The following RAB31 variants were observed in gnomAD, a reference collection of about 807,000 sequenced individuals.
RAB31 encodes RAB31, member RAS oncogene family.
In RAB31, 21 loss-of-function variants were observed where a neutral mutation model predicts 25.6. The observed-to-expected ratio is 0.82, with a 90% CI of 0.58 to 1.18. The LOEUF is 1.18. Ranked by LOEUF, RAB31 falls within the 50% of genes most tolerant of loss-of-function variation. The pLI is 0.00. For synonymous variants in RAB31, 87 were observed against 84.0 expected, an observed-to-expected ratio of 1.04 and a Z score of -0.20; for missense variants, 196 against 250.1, an observed-to-expected ratio of 0.78 and a Z score of 1.46.
intron 1 of RAB31, among the ~76,000 whole-genome samples, chr18:9,761,302 A>G (rs1423065879): frequency 1.3e-5 from 2 of 152,138 alleles, no homozygotes; most frequent in Non-Finnish European, 2.9e-5. Flanking sequence ...CACACTGCTG[A>G]CCTACCTTAA....
chr18:9,737,350 G>A (rs2068156156), intron 1 of RAB31, among the ~76,000 whole-genome samples: 1 of 152,042 alleles, frequency 6.6e-6, no homozygotes, highest in Non-Finnish European at 1.5e-5. Flanking sequence ...GTTTCCTTAT[G>A]TAACATACAT....
chr18:9,778,665 T>G (rs1310036531), intron 2 of RAB31, among the ~76,000 whole-genome samples: 1 of 152,158 alleles, frequency 6.6e-6, no homozygotes, highest in Non-Finnish European at 1.5e-5. Context: ...GGAACGGGGT[T>G]TCACCATGTT....
chr18:9,819,121 C>G (rs890757561), intron 5 of RAB31, among the ~76,000 whole-genome samples: 1 of 152,134 alleles, frequency 6.6e-6, no homozygotes, highest in East Asian at 1.9e-4. Context: ...TTATGTCCAG[C>G]TTATCATGTT....
chr18:9,843,881 A>G (rs1169875720), intron 5 of RAB31, among the ~76,000 whole-genome samples: 1 of 152,046 alleles, frequency 6.6e-6, no homozygotes, highest in Non-Finnish European at 1.5e-5. Context: ...TCTTCCCCGC[A>G]TATGGTTTGA....
At chr18:9,813,433 A>G (rs2068585131) in intron 3 of RAB31, among the ~76,000 whole-genome samples, 1 of 152,258 alleles carries the variant, frequency 6.6e-6, no homozygotes, top group Non-Finnish European at 1.5e-5. Context: ...CAGGGAAAAG[A>G]AAATTCACAA....
At chr18:9,836,409 G>T (rs1467770523) in intron 5 of RAB31, among the ~76,000 whole-genome samples, 1 of 152,130 alleles carries the variant, frequency 6.6e-6, no homozygotes. Flanking sequence ...TTATTTAACT[G>T]TAAAATGGTG....
At chr18:9,804,248 C>T (rs2068528582) in intron 3 of RAB31, among the ~76,000 whole-genome samples, 1 of 152,232 alleles carries the variant, frequency 6.6e-6, no homozygotes, top group Admixed American at 6.5e-5. Flanking sequence ...TATGCCCCCT[C>T]CTTGGTGGGG....
intron 3 of RAB31, among the ~76,000 whole-genome samples, chr18:9,807,919 A>G (rs1392553144): frequency 1.3e-5 from 2 of 152,232 alleles, no homozygotes; most frequent in Admixed American, 1.3e-4. Flanking sequence ...TTGAGGCTGC[A>G]GTGAGCCGTG....
chr18:9,804,258 G>A (rs2143055009), intron 3 of RAB31, among the ~76,000 whole-genome samples: 1 of 152,330 alleles, frequency 6.6e-6, no homozygotes, highest in South Asian at 2.1e-4. Context: ...CCTTGGTGGG[G>A]ACAGGCTGCT....
At chr18:9,751,012 A>G (rs1000574616) in intron 1 of RAB31, among the ~76,000 whole-genome samples, 1 of 151,974 alleles carries the variant, frequency 6.6e-6, no homozygotes, top group Admixed American at 6.6e-5. Context: ...TTTTTCTTTC[A>G]TGCCTCTTTT....
At chr18:9,816,354 T>TA (rs1248918507) in intron 5 of RAB31, among the ~76,000 whole-genome samples, 7 of 152,250 alleles carry the variant, frequency 4.6e-5, no homozygotes, top group African/African-American at 1.4e-4. Context: ...ATAACACAGT[T>TA]ACATCCCTGA....
intron 3 of RAB31, among the ~76,000 whole-genome samples, chr18:9,799,329 A>C (rs1009320121): frequency 6.6e-6 from 1 of 152,224 alleles, no homozygotes; most frequent in Non-Finnish European, 1.5e-5. Flanking sequence ...GTTCTGCCTA[A>C]CATACACAGC....
At chr18:9,759,221 G>A (rs2068275145) in intron 1 of RAB31, among the ~76,000 whole-genome samples, 1 of 152,092 alleles carries the variant, frequency 6.6e-6, no homozygotes, top group Non-Finnish European at 1.5e-5. Context: ...ACAAGGTCTT[G>A]CTCTGTCACT....
At position 9,804,709 on chromosome 18, in the gene RAB31, C is replaced by T. The variant is rs569787602; in HGVS notation, c.202-9311C>T. On this transcript the variant is annotated intron_variant, in intron 3 of 6. Transcript: ENST00000578921. ...GTAACAGAAGAACCTGTTCCTGAGG[C>T]GCTGACAGCCTGTCCTAACAGAGGC... Among the ~76,000 whole-genome samples, 49 of 152,300 alleles carry T rather than the reference C, an allele frequency of 3.2e-4. 1 individual carries two copies. In the South Asian group the frequency reaches 7.5e-3, roughly 23 times the overall value.
Position 9,845,649 on chromosome 18 carries a change from G to A in RAB31, c.448G>A (p.Ala150Thr). 6.4e-7 allele frequency: 1 copy of A among 1,566,838 alleles called. No individual in the cohort carries two copies. The highest frequency in any genetic ancestry group is 1.9e-5 in the Admixed American group (1 of 52,554). Residue 150 changes from alanine (A) to threonine (T), a missense_variant, in exon 6 of 7, where the codon GCA (alanine) becomes ACA (threonine). Ala to Thr is a moderately conservative substitution (Grantham distance 58). Coordinates refer to ENST00000578921, the MANE Select transcript of RAB31 (RefSeq NM_006868.4). ...AGGTGCCATCGTGGTTGAGACAAGTGCAAAAAATGCTATTAATATCGAAGA... is the reference window on the plus strand; with the variant it reads ...AGGTGCCATCGTGGTTGAGACAAGTACAAAAAATGCTATTAATATCGAAGA... ...SIGAIVVETS[A>T]KNAINIEELF... is the part of the protein sequence containing the mutation.
intron 1 of RAB31, among the ~76,000 whole-genome samples, chr18:9,710,607 C>A (rs1399359605): frequency 6.6e-6 from 1 of 152,098 alleles, no homozygotes; most frequent in Non-Finnish European, 1.5e-5. Context: ...CATCCCAGCA[C>A]TTTGGGAGGC....
intron 5 of RAB31, among the ~76,000 whole-genome samples, chr18:9,818,774 A>G (rs1443457390): frequency 3.9e-5 from 6 of 152,240 alleles, no homozygotes; most frequent in Non-Finnish European, 8.8e-5. Context: ...TTTCCAAAGT[A>G]ACTGCAAGAT....
chr18:9,847,063 C>A (rs1212025971), intron 6 of RAB31, among the ~76,000 whole-genome samples: 2 of 152,166 alleles, frequency 1.3e-5, no homozygotes, highest in Non-Finnish European at 2.9e-5. Context: ...ATGTGGGAAA[C>A]CCCATGTCCC....
At chr18:9,794,665 A>C (rs1392312100) in intron 3 of RAB31, among the ~76,000 whole-genome samples, 2 of 152,100 alleles carry the variant, frequency 1.3e-5, no homozygotes, top group African/African-American at 4.8e-5. Context: ...AAATACAAAA[A>C]TTAGTCAGGC....
Sources: gnomAD v4.1 joint callset for allele counts (sites outside exome capture counted in the v4.1 genomes callset) on GRCh38, gnomAD v4.1.1 for gene constraint, MANE v1.5 for transcripts, NCBI Gene and HGNC (gene_info 2026-07-23, HGNC 2026-07-21) for gene names.